Variants in SYN2 observed in about 807,000 individuals in gnomAD.
SYN2 encodes the protein synapsin II.
In SYN2, 19 loss-of-function variants were observed where a neutral mutation model predicts 50.9. The ratio of observed to expected loss-of-function variants is 0.37; its 90% CI spans 0.26 to 0.55. The LOEUF (loss-of-function observed/expected upper bound fraction) is 0.55. Among genes scored for constraint, SYN2 ranks in the 20% least tolerant of loss-of-function variants. SYN2 has a pLI of 0.81. For missense variants in SYN2, 587 were observed against 576.4 expected, an observed-to-expected ratio of 1.02 and a Z score of -0.19; for synonymous variants, 255 against 224.9, an observed-to-expected ratio of 1.13 and a Z score of -1.20.
chr3:12,082,566 A>G (rs1695604409), intron 1 of SYN2, among the ~76,000 whole-genome samples: 1 of 152,344 alleles, frequency 6.6e-6, no homozygotes, highest in African/African-American at 2.4e-5. Flanking sequence ...CCAAAGTGCT[A>G]ACTTCAGAAC....
intron 1 of SYN2, among the ~76,000 whole-genome samples, chr3:12,012,327 G>T (rs1311973610): frequency 6.6e-6 from 1 of 152,148 alleles, no homozygotes; most frequent in Non-Finnish European, 1.5e-5. Flanking sequence ...AGAGGAAAAT[G>T]AAGGAAGAGA....
chr3:12,065,765 T>C (rs114509795), intron 1 of SYN2, among the ~76,000 whole-genome samples: 3,451 of 152,262 alleles, frequency 0.023, 132 homozygotes, highest in African/African-American at 0.078. Context: ...GCTCACTACC[T>C]GGGTGACGGA....
chr3:12,121,386 A>G (rs1237998363), intron 1 of SYN2, among the ~76,000 whole-genome samples: 1 of 152,196 alleles, frequency 6.6e-6, no homozygotes, highest in Admixed American at 6.5e-5. Flanking sequence ...GAATGAGTAA[A>G]TAATTGTTAT....
chr3:12,145,447 G>C (rs1314433307), intron 3 of SYN2, among the ~76,000 whole-genome samples: 7 of 152,110 alleles, frequency 4.6e-5, no homozygotes, highest in Non-Finnish European at 1.0e-4. Context: ...AAGGCAGGAG[G>C]ATCACCTGAA....
At chr3:12,168,959 C>T (rs892523644) in intron 9 of SYN2, among the ~76,000 whole-genome samples, 7 of 152,162 alleles carry the variant, frequency 4.6e-5, no homozygotes, top group Admixed American at 1.3e-4. Context: ...AAGCCAGTGG[C>T]AGTATGAATC....
chr3:12,138,829 A>G (rs1156949764), intron 1 of SYN2, among the ~76,000 whole-genome samples: 2 of 152,244 alleles, frequency 1.3e-5, no homozygotes, highest in African/African-American at 2.4e-5. Flanking sequence ...TACCTCACCA[A>G]TGAAAGAAAG....
chr3:12,156,841 G>A lies in SYN2; in HGVS notation c.775-4705G>A, dbSNP rs751920911. 11 of 1,613,932 alleles carry A rather than the reference G, an allele frequency of 6.8e-6. 1 individual carries two copies. The South Asian group carries it at 1.1e-4, about 16-fold the overall frequency. On this transcript the variant is annotated intron_variant, in intron 5 of 12. Coordinates refer to ENST00000621198, the MANE Select transcript of SYN2 (RefSeq NM_133625.6). ...TTACCAGTCAAGAGATACTGCTTCT[G>A]GCTGTTGGCTTCTAGTTTCACACCA...
chr3:12,076,404 C>G (rs1261701360), intron 1 of SYN2, among the ~76,000 whole-genome samples: 1 of 151,824 alleles, frequency 6.6e-6, no homozygotes, highest in Non-Finnish European at 1.5e-5. Context: ...TTTTCTCAGG[C>G]TGTGTACAAA....
chr3:12,084,968 A>C (rs1208687088), intron 1 of SYN2, among the ~76,000 whole-genome samples: 1 of 144,142 alleles, frequency 6.9e-6, no homozygotes, highest in Non-Finnish European at 1.5e-5. Flanking sequence ...GCAAGAGAAA[A>C]GAGGAACAAA....
chr3:12,051,487 A>G (rs307561), intron 1 of SYN2, among the ~76,000 whole-genome samples: 111,425 of 152,040 alleles, frequency 0.73, 41,077 homozygotes, highest in Admixed American at 0.8. Context: ...CTGTTTCTCA[A>G]ATTGCTGCTG....
intron 1 of SYN2, among the ~76,000 whole-genome samples, chr3:12,066,842 G>A (rs558248809): frequency 1.3e-5 from 2 of 150,436 alleles, no homozygotes; most frequent in Non-Finnish European, 3.0e-5. Flanking sequence ...TCACATGGCT[G>A]GGGGGGGCCT....
chr3:12,185,689 G>C, intron 11 of SYN2: 1 of 985,814 alleles, frequency 1.0e-6, no homozygotes, highest in Non-Finnish European at 1.2e-6. Flanking sequence ...TGTGACTCTT[G>C]TACAGCTTAA....
At chr3:12,099,975 G>GAAAAAAAAAAAAAAAAAA (rs376887129) in intron 1 of SYN2, among the ~76,000 whole-genome samples, 3 of 120,186 alleles carry the variant, frequency 2.5e-5, no homozygotes, top group Non-Finnish European at 3.2e-5. Flanking sequence ...AAAAAAAAAA[G>GAAAAAAAAAAAAAAAAAA]AAAAAAAAAA....
At chr3:12,187,636 T>C in intron 12 of SYN2, 24 bp downstream of exon 12, 1 of 1,520,300 alleles carries the variant, frequency 6.6e-7, no homozygotes, top group Non-Finnish European at 8.9e-7. Flanking sequence ...CAGCAGCTCC[T>C]CCCTCCCCTC....
At chr3:12,057,530 A>G (rs1423922215) in intron 1 of SYN2, among the ~76,000 whole-genome samples, 1 of 152,162 alleles carries the variant, frequency 6.6e-6, no homozygotes. Flanking sequence ...TGAACATTGT[A>G]TAAATTTGGA....
chr3:12,132,487 G>A (rs1258781844), intron 1 of SYN2, among the ~76,000 whole-genome samples: 1 of 152,218 alleles, frequency 6.6e-6, no homozygotes, highest in African/African-American at 2.4e-5. Context: ...GATCTGAGAT[G>A]AGTGATTTGA....
intron 1 of SYN2, among the ~76,000 whole-genome samples, chr3:12,093,125 T>C (rs1695863644): frequency 6.6e-6 from 1 of 152,222 alleles, no homozygotes; most frequent in African/African-American, 2.4e-5. Flanking sequence ...GCTCCAATAT[T>C]CTGTGATGCC....
At chr3:12,132,031 T>G (rs1316761518) in intron 1 of SYN2, among the ~76,000 whole-genome samples, 1 of 138,468 alleles carries the variant, frequency 7.2e-6, no homozygotes, top group East Asian at 2.0e-4. Flanking sequence ...TTTTCTTTTT[T>G]TTCTTTTTTT....
At chr3:12,078,154 T>C (rs1695511164) in intron 1 of SYN2, among the ~76,000 whole-genome samples, 1 of 152,156 alleles carries the variant, frequency 6.6e-6, no homozygotes, top group African/African-American at 2.4e-5. Context: ...TGCCCACTTT[T>C]TAATGGGGTT....
Sources: allele counts gnomAD v4.1 joint callset (sites outside exome capture counted in the v4.1 genomes callset), GRCh38; gene constraint gnomAD v4.1.1; transcripts MANE v1.5; gene names NCBI Gene and HGNC (gene_info 2026-07-23, HGNC 2026-07-21).